Variants in MAP4K3 observed in about 807,000 individuals in gnomAD.
MAP4K3 encodes the protein MAPK/ERK kinase kinase kinase 3.
A neutral mutation model predicts 143.5 loss-of-function variants in MAP4K3; 94 were observed. That is an observed-to-expected ratio of 0.65 (90% CI 0.55 to 0.78). MAP4K3 has a LOEUF of 0.78. Ranked by LOEUF, MAP4K3 falls within the 30% of genes least tolerant of loss-of-function variation. The pLI is 0.00. For missense variants in MAP4K3, 1,077 were observed against 1,068.1 expected, an observed-to-expected ratio of 1.01 and a Z score of -0.12; for synonymous variants, 416 against 347.2, an observed-to-expected ratio of 1.20 and a Z score of -2.20.
At chr2:39,304,625 T>G (rs1320159312) in intron 15 of MAP4K3, among the ~76,000 whole-genome samples, 1 of 152,212 alleles carries the variant, frequency 6.6e-6, no homozygotes, top group African/African-American at 2.4e-5. Flanking sequence ...CTGGTGGGAA[T>G]GTAAAATGTT....
In MAP4K3 at chr2:39,300,872, T is replaced by G. The variant is rs1252641630; in HGVS notation, c.1120-1071A>C. 2.6e-5 allele frequency among the ~76,000 whole-genome samples: 4 copies of G among 152,328 alleles called. No homozygotes were observed. The East Asian group carries it at 7.7e-4, about 29-fold the overall frequency. On this transcript the variant is annotated intron_variant, in intron 15 of 33. Transcript: ENST00000263881. ...TTGTAAAAGCGAGCTCCTTAAACAATGGGAAATAATCAAATCTATCTTCTT... is the reference window on the plus strand; with the variant it reads ...TTGTAAAAGCGAGCTCCTTAAACAAGGGGAAATAATCAAATCTATCTTCTT...
chr2:39,365,715 A>T (rs1388923898), intron 2 of MAP4K3, among the ~76,000 whole-genome samples: 1 of 152,042 alleles, frequency 6.6e-6, no homozygotes, highest in African/African-American at 2.4e-5. Context: ...AAGTGCTGGG[A>T]TTACAGGCGT....
chr2:39,396,555 G>C (rs1007291700), intron 1 of MAP4K3, among the ~76,000 whole-genome samples: 3 of 148,454 alleles, frequency 2.0e-5, no homozygotes, highest in African/African-American at 7.5e-5. Flanking sequence ...CTCATTGCAA[G>C]CTCCGCCTCC....
chr2:39,287,471 AT>A (rs1417275485), intron 20 of MAP4K3, among the ~76,000 whole-genome samples: 55 of 146,680 alleles, frequency 3.7e-4, no homozygotes, highest in Non-Finnish European at 4.4e-4. Flanking sequence ...CTAATTTTGT[AT>A]TTTTTTTTTT....
At chr2:39,376,099 T>C (rs567336920) in intron 2 of MAP4K3, among the ~76,000 whole-genome samples, 12 of 152,308 alleles carry the variant, frequency 7.9e-5, no homozygotes, top group African/African-American at 2.9e-4. Flanking sequence ...TTATGGCAAA[T>C]TTATGTTTAA....
intron 33 of MAP4K3, among the ~76,000 whole-genome samples, chr2:39,251,117 G>A (rs1680141875): frequency 6.6e-6 from 1 of 152,172 alleles, no homozygotes; most frequent in African/African-American, 2.4e-5. Flanking sequence ...ACTGGCTAGG[G>A]GGCCAGGGCG....
intron 3 of MAP4K3, among the ~76,000 whole-genome samples, chr2:39,343,784 G>A (rs1665208166): frequency 6.6e-6 from 1 of 151,920 alleles, no homozygotes; most frequent in Non-Finnish European, 1.5e-5. Flanking sequence ...CAGACAAATG[G>A]CAATAAATCT....
chr2:39,418,254 G>C (rs1667440866), intron 1 of MAP4K3, among the ~76,000 whole-genome samples: 1 of 148,588 alleles, frequency 6.7e-6, no homozygotes, highest in Non-Finnish European at 1.5e-5. Flanking sequence ...ACACAGGAAA[G>C]AGCCTGAAAG....
chr2:39,324,175 G>T (rs941184379), intron 12 of MAP4K3, among the ~76,000 whole-genome samples: 3 of 152,158 alleles, frequency 2.0e-5, no homozygotes, highest in African/African-American at 7.2e-5. Flanking sequence ...TTGGGAGGCC[G>T]AGGCAGGCAG....
intron 22 of MAP4K3, among the ~76,000 whole-genome samples, chr2:39,280,735 C>T (rs1014574776): frequency 2.0e-5 from 3 of 152,050 alleles, no homozygotes; most frequent in Admixed American, 1.3e-4. Context: ...CAAAGGAAGA[C>T]ATTTTTCTTG....
intron 21 of MAP4K3, among the ~76,000 whole-genome samples, chr2:39,285,219 T>G (rs1425317230): frequency 6.6e-6 from 1 of 152,236 alleles, no homozygotes; most frequent in South Asian, 2.1e-4. Context: ...ACTGTAAGCA[T>G]GCTTCAATAT....
intron 26 of MAP4K3, among the ~76,000 whole-genome samples, chr2:39,268,685 G>A (rs1339229403): frequency 4.7e-5 from 6 of 128,264 alleles, no homozygotes; most frequent in African/African-American, 1.7e-4. Flanking sequence ...TGTCGCCCAG[G>A]CTGGAGTGCA....
intron 1 of MAP4K3, among the ~76,000 whole-genome samples, chr2:39,430,868 C>G (rs1053467395): frequency 1.3e-5 from 2 of 152,190 alleles, no homozygotes; most frequent in African/African-American, 4.8e-5. Context: ...AAGCCCAATG[C>G]CACCTCCTCT....
intron 3 of MAP4K3, among the ~76,000 whole-genome samples, chr2:39,346,723 T>G (rs1202203204): frequency 6.6e-6 from 1 of 152,204 alleles, no homozygotes; most frequent in Non-Finnish European, 1.5e-5. Context: ...TTATAAACTA[T>G]TTTAATCTGC....
At chr2:39,409,545 A>G (rs1317615021) in intron 1 of MAP4K3, among the ~76,000 whole-genome samples, 2 of 152,232 alleles carry the variant, frequency 1.3e-5, no homozygotes, top group Non-Finnish European at 2.9e-5. Flanking sequence ...CCTGGGCAAC[A>G]TTTAAAAACA....
chr2:39,358,769 T>C (rs762439777), intron 2 of MAP4K3, among the ~76,000 whole-genome samples: 1 of 152,158 alleles, frequency 6.6e-6, no homozygotes, highest in Non-Finnish European at 1.5e-5. Context: ...TCAAGGCTCA[T>C]GAGAAATACA....
At chr2:39,280,216 C>A (rs1177517609) in intron 23 of MAP4K3, 56 bp downstream of exon 23, 21 of 990,062 alleles carry the variant, frequency 2.1e-5, no homozygotes, top group Non-Finnish European at 3.0e-5. Context: ...CAAATGCTTT[C>A]ATGGCCCCAG....
chr2:39,415,946 C>T (rs1441205895), intron 1 of MAP4K3, among the ~76,000 whole-genome samples: 1 of 25,988 alleles, frequency 3.8e-5, no homozygotes, highest in East Asian at 2.1e-3. Context: ...GAGCAAGGCT[C>T]TGTCTCAAAA....
chr2:39,355,936 C>T (rs1484344827), intron 3 of MAP4K3, among the ~76,000 whole-genome samples: 1 of 152,184 alleles, frequency 6.6e-6, no homozygotes, highest in Non-Finnish European at 1.5e-5. Context: ...CTACACTGAC[C>T]TAAGTCCAGA....
Sources: gnomAD v4.1 joint callset for allele counts (sites outside exome capture counted in the v4.1 genomes callset) on GRCh38, gnomAD v4.1.1 for gene constraint, MANE v1.5 for transcripts, NCBI Gene and HGNC (gene_info 2026-07-23, HGNC 2026-07-21) for gene names.